The following LEPR variants were observed in gnomAD, a reference collection of about 807,000 sequenced individuals.
LEPR encodes leptin receptor.
LEPR carries 56 observed loss-of-function variants against 114.7 expected under a neutral mutation model. The observed-to-expected ratio is 0.49, with a 90% CI of 0.39 to 0.61. The LOEUF is 0.61. Ranked by LOEUF, LEPR falls within the 20% of genes least tolerant of loss-of-function variation. The pLI, the probability that LEPR is intolerant of heterozygous loss-of-function variation, is 0.00. For missense variants in LEPR, 1,202 were observed against 1,352.9 expected, an observed-to-expected ratio of 0.89 and a Z score of 1.75; for synonymous variants, 443 against 461.4, an observed-to-expected ratio of 0.96 and a Z score of 0.51.
intron 2 of LEPR, among the ~76,000 whole-genome samples, chr1:65,429,649 T>C (rs1323288094): frequency 6.6e-6 from 1 of 152,212 alleles, no homozygotes; most frequent in Non-Finnish European, 1.5e-5. Flanking sequence ...TAGTGGCTTC[T>C]TAACACAATA....
At chr1:65,507,673 A>C (rs1469602781) in intron 2 of LEPR, among the ~76,000 whole-genome samples, 1 of 151,896 alleles carries the variant, frequency 6.6e-6, no homozygotes, top group Non-Finnish European at 1.5e-5. Context: ...TCTCTTTGAC[A>C]TATGATTTCA....
At chr1:65,453,221 A>G (rs1373409090) in intron 2 of LEPR, among the ~76,000 whole-genome samples, 6 of 151,974 alleles carry the variant, frequency 3.9e-5, no homozygotes, top group Non-Finnish European at 2.9e-5. Flanking sequence ...TGATCCTTTC[A>G]AAAAACCAGC....
intron 10 of LEPR, among the ~76,000 whole-genome samples, chr1:65,603,704 T>A (rs1196771871): frequency 6.6e-6 from 1 of 151,762 alleles, no homozygotes; most frequent in Non-Finnish European, 1.5e-5. Flanking sequence ...ACTGGTTTTT[T>A]TTTTTTTTTT....
chr1:65,511,429 TAC>T (rs5774756), intron 2 of LEPR, among the ~76,000 whole-genome samples: 45,439 of 147,216 alleles, frequency 0.31, 7,327 homozygotes, highest in Middle Eastern at 0.38. Flanking sequence ...TATATATGTA[TAC>T]ACACACACAC....
chr1:65,513,444 T>C (rs1209362035), intron 2 of LEPR, among the ~76,000 whole-genome samples: 2 of 152,214 alleles, frequency 1.3e-5, no homozygotes, highest in Non-Finnish European at 2.9e-5. Flanking sequence ...CTATGTCTTT[T>C]ATGACTCATT....
chr1:65,557,394 T>C (rs1290033057), intron 2 of LEPR, among the ~76,000 whole-genome samples: 4 of 152,172 alleles, frequency 2.6e-5, no homozygotes, highest in Non-Finnish European at 4.4e-5. Flanking sequence ...TCATTCTTTT[T>C]TCACCAATTT....
In LEPR at chr1:65,610,316, T is replaced by C. The variant is rs749774259; in HGVS notation, c.1995+20T>C. ...TGGAAGGTATTCCCAATTTTAATAT[T>C]AATCTTAAATTGTATTTTTATACTC... On this transcript the variant is annotated intron_variant, in intron 14 of 19. Coordinates refer to ENST00000349533, the MANE Select transcript of LEPR (RefSeq NM_002303.6). 2 of 1,565,442 alleles carry C rather than the reference T, an allele frequency of 1.3e-6. No individual in the cohort carries two copies. The highest frequency in any genetic ancestry group is 2.7e-5 in the African/African-American group (2 of 73,204).
At chr1:65,519,006 TTTC>T (rs1339621435) in intron 2 of LEPR, among the ~76,000 whole-genome samples, 1 of 62,550 alleles carries the variant, frequency 1.6e-5, no homozygotes, top group East Asian at 2.8e-4. Flanking sequence ...TTCTTTCTTC[TTTC>T]TTTCTCTTTC....
rs552861020 is a variant in LEPR at position 65,579,381 on chromosome 1, G to A, written c.494+6932G>A. On this transcript the variant is annotated intron_variant, in intron 5 of 19. Transcript: ENST00000349533. ...GAGAGAAAAGTTGATAATCGAAGGG[G>A]AGCCATTGAAGATATTTTATTGAGA... 3.3e-5 allele frequency among the ~76,000 whole-genome samples: 5 copies of A among 152,280 alleles called. No homozygotes were observed. The South Asian group carries it at 1.0e-3, about 32-fold the overall frequency.
At chr1:65,617,564 C>T (rs1235119633) in intron 15 of LEPR, among the ~76,000 whole-genome samples, 1 of 152,172 alleles carries the variant, frequency 6.6e-6, no homozygotes, top group Non-Finnish European at 1.5e-5. Flanking sequence ...ATTTTACCCT[C>T]AAATGTAGAA....
At position 65,618,091 on chromosome 1, in the gene LEPR, T is replaced by G. The variant is rs746039214; in HGVS notation, c.2340T>G (p.Asp780Glu). The G allele has an allele frequency of 6.2e-7, 1 of 1,611,474 alleles. No homozygotes were observed. The highest frequency in any genetic ancestry group is 1.1e-5 in the South Asian group (1 of 90,762). Residue 780 changes from aspartate to glutamate, a missense_variant, in exon 16 of 20, where the codon GAT becomes GAG. By Grantham distance (45) the Asp-to-Glu change is conservative. Transcript: ENST00000349533. ...FIIEWKNLNE[D>E]GEIKWLRISS... ...TTGAGTGGAAAAATCTTAATGAAGA[T>G]GGTGAAATAAAATGGCTTAGAATCT...
rs886046507 is a variant in LEPR, at chr1:65,637,203, A to G, written c.*188A>G. 5 of 564,724 alleles carry G rather than the reference A, an allele frequency of 8.9e-6. No homozygotes were observed. The East Asian group carries it at 1.5e-4, about 17-fold the overall frequency. The allele number at this position is 564,724 out of a possible 1,614,324, so 35.0% of individuals were successfully genotyped here. ...AATTTGAGAAAGCCTTCATAAGCCT[A>G]CCAATGTAGACACGCTCTTCTATTT... On this transcript the variant is annotated 3_prime_UTR_variant, in exon 20 of 20. Coordinates refer to ENST00000349533, the MANE Select transcript of LEPR (RefSeq NM_002303.6).
At chr1:65,527,690 A>C (rs1363179921) in intron 2 of LEPR, among the ~76,000 whole-genome samples, 2 of 152,204 alleles carry the variant, frequency 1.3e-5, no homozygotes, top group Non-Finnish European at 2.9e-5. Context: ...ATGGATTTGA[A>C]GTACTCTTTT....
At chr1:65,487,308 A>G (rs1647540621) in intron 2 of LEPR, among the ~76,000 whole-genome samples, 2 of 152,086 alleles carry the variant, frequency 1.3e-5, no homozygotes, top group African/African-American at 4.8e-5. Flanking sequence ...ATGATGAGTA[A>G]AATAAAAGCT....
chr1:65,492,845 T>C (rs1284320702), intron 2 of LEPR, among the ~76,000 whole-genome samples: 1 of 151,724 alleles, frequency 6.6e-6, no homozygotes, highest in Non-Finnish European at 1.5e-5. Flanking sequence ...TGAATATTTA[T>C]TTATTTATTT....
intron 2 of LEPR, among the ~76,000 whole-genome samples, chr1:65,549,610 C>T (rs1652112476): frequency 6.6e-6 from 1 of 152,182 alleles, no homozygotes; most frequent in African/African-American, 2.4e-5. Flanking sequence ...CGCATTGGCT[C>T]CTGAGGCTTC....
intron 2 of LEPR, among the ~76,000 whole-genome samples, chr1:65,462,435 T>C (rs897219273): frequency 1.3e-5 from 2 of 152,234 alleles, no homozygotes; most frequent in African/African-American, 2.4e-5. Flanking sequence ...GTCTTTGCTA[T>C]TGTGAATAGT....
chr1:65,505,754 CTTTT>C (rs34274342), intron 2 of LEPR, among the ~76,000 whole-genome samples: 15 of 145,272 alleles, frequency 1.0e-4, no homozygotes, highest in African/African-American at 2.8e-4. Flanking sequence ...CTCACCATCC[CTTTT>C]TTTTTTTTTT....
At chr1:65,558,538 GTTTTTTTTT>G (rs1254032864) in intron 2 of LEPR, among the ~76,000 whole-genome samples, 1 of 9,112 alleles carries the variant, frequency 1.1e-4, no homozygotes, top group Non-Finnish European at 1.8e-4. Flanking sequence ...TTTTTTTTTT[GTTTTTTTTT>G]TGTTTTTTTT....
Sources: gnomAD v4.1 joint callset for allele counts (sites outside exome capture counted in the v4.1 genomes callset) on GRCh38, gnomAD v4.1.1 for gene constraint, MANE v1.5 for transcripts, NCBI Gene and HGNC (gene_info 2026-07-23, HGNC 2026-07-21) for gene names.